ARMH3: variants seen among roughly 807,000 people sequenced by gnomAD.
The protein encoded by ARMH3 is armadillo like helical domain containing 3, also known as armadillo-like helical domain-containing protein 3.
Under a neutral mutation model 99.1 loss-of-function variants are expected in ARMH3, and 60 were observed. The ratio of observed to expected loss-of-function variants is 0.61; its 90% confidence interval spans 0.49 to 0.75. ARMH3 has a LOEUF of 0.75. Ranked by LOEUF, ARMH3 falls within the 30% of genes least tolerant of loss-of-function variation. ARMH3 has a pLI of 0.00. For synonymous variants in ARMH3, 285 were observed against 292.8 expected (o/e 0.97, Z 0.27); for missense variants, 679 against 843.1 (o/e 0.81, Z 2.41).
chr10:102,040,138 AG>A lies in ARMH3; in HGVS notation c.-11-14del. ...ATGGTTAGAGAATCTGTGAACAGAA[AG>A]TCACATTTTAGAATAGTGAAAATAC... On this transcript the variant is annotated splice_polypyrimidine_tract_variant and intron_variant, in intron 1 of 25. Coordinates refer to ENST00000370033, the MANE Select transcript of ARMH3 (RefSeq NM_024541.3). The A allele has an allele frequency of 6.3e-7, 1 of 1,595,898 alleles. No homozygotes were observed. The highest frequency in any genetic ancestry group is 8.6e-7 in the Non-Finnish European group (1 of 1,163,386).
intron 8 of ARMH3, among the ~76,000 whole-genome samples, chr10:102,016,001 G>A (rs1590187300): frequency 6.6e-6 from 1 of 152,120 alleles, no homozygotes; most frequent in African/African-American, 2.4e-5. Context: ...CAGGCATAGT[G>A]GCACACGCCT....
At chr10:101,968,392 C>T (rs951841630) in intron 20 of ARMH3, among the ~76,000 whole-genome samples, 1 of 152,110 alleles carries the variant, frequency 6.6e-6, no homozygotes, top group African/African-American at 2.4e-5. Flanking sequence ...TTACTTTTTG[C>T]CAAAATGAGG....
intron 19 of ARMH3, among the ~76,000 whole-genome samples, chr10:101,985,132 C>T (rs1010486868): frequency 1.3e-5 from 2 of 149,780 alleles, no homozygotes; most frequent in Non-Finnish European, 1.5e-5. Context: ...TATATACACA[C>T]ATGTGTACAT....
chr10:101,889,433 T>A lies in ARMH3; in HGVS notation c.1839A>T (p.Ile613=). The change falls in exon 24 of 26, where the codon ATA becomes ATT. Residue 613 remains isoleucine, a synonymous_variant. Transcript: ENST00000370033. ...KIESYAAVNH[I]SQLSEEQVLE... ...TTACCTGCTCCTCTGACAGTTGGGA[T>A]ATGTGATTCACAGCAGCGTAGGACT... is the stretch of plus-strand genomic sequence containing the variant. 6 of 1,613,920 alleles carry A rather than the reference T, an allele frequency of 3.7e-6. No individual in the cohort carries two copies. Among genetic ancestry groups the A allele is most frequent in the Non-Finnish European group, 5.1e-6 (6 of 1,179,778 alleles).
intron 15 of ARMH3, among the ~76,000 whole-genome samples, chr10:102,000,539 A>AC (rs2066331014): frequency 6.6e-6 from 1 of 150,764 alleles, no homozygotes. Context: ...CGGGCAGATC[A>AC]CTTGAGCCCA....
chr10:101,876,247 C>CA (rs34928343), intron 24 of ARMH3, among the ~76,000 whole-genome samples: 64,483 of 83,732 alleles, frequency 0.77, 25,232 homozygotes, highest in Middle Eastern at 0.91. Flanking sequence ...GGCTCCATCT[C>CA]AAAAAAAAAA....
At position 102,010,006 on chromosome 10, in the gene ARMH3, T is replaced by C. The variant is rs773311168; in HGVS notation, c.849A>G (p.Ile283Met). 10 of 1,614,084 alleles carry C rather than the reference T, an allele frequency of 6.2e-6. No individual in the cohort carries two copies. In the South Asian group the frequency reaches 1.1e-4, roughly 18 times the overall value. The change falls in exon 12 of 26, where the codon ATA (isoleucine) becomes ATG (methionine). Residue 283 changes from isoleucine (I) to methionine (M), a missense_variant. Physicochemically the swap from Ile to Met is conservative, Grantham distance 10 (BLOSUM62 1). Coordinates refer to ENST00000370033, the MANE Select transcript of ARMH3 (RefSeq NM_024541.3). ...ALTNMVGSMFIADAHEKISVQ... is the reference protein window; with the variant it reads ...ALTNMVGSMFMADAHEKISVQ... ...CTGAGATTTTCTCATGGGCATCTGC[T>C]ATGAACATGCTGCCCACCTGTGGAA...
intron 23 of ARMH3, among the ~76,000 whole-genome samples, chr10:101,900,779 C>A (rs2067955113): frequency 6.6e-6 from 1 of 152,038 alleles, no homozygotes; most frequent in Non-Finnish European, 1.5e-5. Context: ...GCCAGGAGTT[C>A]AAGAGCAGCT....
At chr10:101,887,124 T>C (rs1335679439) in intron 24 of ARMH3, among the ~76,000 whole-genome samples, 1 of 152,186 alleles carries the variant, frequency 6.6e-6, no homozygotes, top group African/African-American at 2.4e-5. Flanking sequence ...TCTAATCTGA[T>C]AGTGCTGAGA....
intron 23 of ARMH3, among the ~76,000 whole-genome samples, chr10:101,896,200 C>T (rs982813550): frequency 6.6e-6 from 1 of 152,154 alleles, no homozygotes; most frequent in African/African-American, 2.4e-5. Context: ...CACTGCACTC[C>T]AGCCTAGGTG....
intron 23 of ARMH3, among the ~76,000 whole-genome samples, chr10:101,891,200 CTT>C (rs879870237): frequency 1.4e-5 from 2 of 142,276 alleles, no homozygotes; most frequent in Non-Finnish European, 1.6e-5. Flanking sequence ...TTCTTTCTTC[CTT>C]TTTTTTTTTT....
chr10:101,873,381 C>T (rs531690231), intron 24 of ARMH3, among the ~76,000 whole-genome samples: 4 of 152,098 alleles, frequency 2.6e-5, no homozygotes, highest in African/African-American at 9.6e-5. Context: ...CACTGCACTC[C>T]AGCCTGGGGG....
chr10:101,886,211 C>T (rs2067538388), intron 24 of ARMH3, among the ~76,000 whole-genome samples: 2 of 151,890 alleles, frequency 1.3e-5, no homozygotes, highest in African/African-American at 4.8e-5. Flanking sequence ...CAGTTTATTA[C>T]ATTAAAAAAA....
At chr10:101,858,813 T>C (rs1200789255) in intron 24 of ARMH3, among the ~76,000 whole-genome samples, 2 of 152,154 alleles carry the variant, frequency 1.3e-5, no homozygotes, top group Non-Finnish European at 2.9e-5. Context: ...TGCTTAGCAC[T>C]CTGAAGGAGG....
At chr10:102,029,849 T>C (rs2067085708) in intron 4 of ARMH3, 104 bp from the exon 5 acceptor site, 4 of 1,137,338 alleles carry the variant, frequency 3.5e-6, no homozygotes, top group African/African-American at 1.6e-5. Context: ...ATAAATTCAA[T>C]TTCTCTGAGT....
At chr10:101,860,894 A>G (rs1225732229) in intron 24 of ARMH3, among the ~76,000 whole-genome samples, 10 of 152,364 alleles carry the variant, frequency 6.6e-5, no homozygotes, top group African/African-American at 2.4e-4. Flanking sequence ...GTACTACTCC[A>G]TAAATATTTT....
intron 8 of ARMH3, among the ~76,000 whole-genome samples, chr10:102,020,554 C>T (rs1215317679): frequency 2.6e-5 from 4 of 151,740 alleles, no homozygotes; most frequent in East Asian, 1.9e-4. Flanking sequence ...GGCGTGGTGG[C>T]GGGCGCCTGT....
intron 23 of ARMH3, among the ~76,000 whole-genome samples, chr10:101,929,292 A>G (rs1215764860): frequency 1.3e-5 from 2 of 152,240 alleles, no homozygotes. Flanking sequence ...AAAGGAAAAG[A>G]AATAGCTGTG....
intron 20 of ARMH3, among the ~76,000 whole-genome samples, chr10:101,959,179 A>G (rs964117650): frequency 6.6e-6 from 1 of 152,144 alleles, no homozygotes; most frequent in African/African-American, 2.4e-5. Flanking sequence ...GCTCCAAGGG[A>G]GCCCATTCAG....
Sources: allele counts gnomAD v4.1 joint callset (sites outside exome capture counted in the v4.1 genomes callset), GRCh38; gene constraint gnomAD v4.1.1; transcripts MANE v1.5; gene names NCBI Gene and HGNC (gene_info 2026-07-23, HGNC 2026-07-21).